The following ITGAM variants were observed in gnomAD, a reference collection of about 807,000 sequenced individuals.
ITGAM encodes the protein integrin alpha-M.
In ITGAM, 79 loss-of-function variants were observed where a neutral mutation model predicts 137.5. The observed-to-expected ratio is 0.57, with a 90% CI of 0.48 to 0.69. The LOEUF is 0.69. ITGAM is among the 30% of genes least tolerant of loss of function. The pLI is 0.00. For missense variants in ITGAM, 1,343 were observed against 1,483.5 expected (o/e 0.91, Z 1.56); for synonymous variants, 583 against 592.3 (o/e 0.98, Z 0.23).
At position 31,282,815 on chromosome 16, in the gene ITGAM, G is replaced by A. The variant is rs139281510; in HGVS notation, c.1356+4706G>A. On this transcript the variant is annotated intron_variant, in intron 12 of 29. Coordinates refer to ENST00000544665, the MANE Select transcript of ITGAM (RefSeq NM_000632.4). ...GTTGATGCAGTTTCTTCCTAGCATCGGTGGTCTTTACAATTTGGTATGTTT... is the reference window on the plus strand; with the variant it reads ...GTTGATGCAGTTTCTTCCTAGCATCAGTGGTCTTTACAATTTGGTATGTTT... Among the ~76,000 whole-genome samples the A allele has an allele frequency of 3.4e-3, 523 of 152,242 alleles. 1 individual carries two copies. Among genetic ancestry groups the A allele is most frequent in the African/African-American group, 0.012 (489 of 41,548 alleles).
chr16:31,331,303 C>G, intron 29 of ITGAM, 28 bp downstream of exon 29: 1 of 1,242,332 alleles, frequency 8.0e-7, no homozygotes, highest in Non-Finnish European at 1.2e-6. Flanking sequence ...CCCACCCCCT[C>G]CCTTCATCCT....
intron 12 of ITGAM, among the ~76,000 whole-genome samples, chr16:31,287,842 G>A (rs1412163838): frequency 1.3e-5 from 2 of 152,088 alleles, no homozygotes; most frequent in Non-Finnish European, 2.9e-5. Context: ...GGAAAAAAGT[G>A]TAGAGGAATT....
intron 14 of ITGAM, among the ~76,000 whole-genome samples, chr16:31,319,143 G>A (rs1597032481): frequency 6.6e-6 from 1 of 151,980 alleles, no homozygotes; most frequent in South Asian, 2.1e-4. Flanking sequence ...CCTGGGGAAT[G>A]GTCCATGTGC....
Position 31,276,925 on chromosome 16 carries a change from C to A in ITGAM, c.1089C>A (p.Gly363=). The A allele has an allele frequency of 6.2e-7, 1 of 1,611,594 alleles. No homozygotes were observed. The highest frequency in any genetic ancestry group is 8.5e-7 in the Non-Finnish European group (1 of 1,178,766). Reference sequence around the variant, plus strand: ...CTGTTCTACACCTTTCCCAGAATGGCCCCTTGCTGAGCACTGTGGGGAGCT... The same window carrying A: ...CTGTTCTACACCTTTCCCAGAATGGACCCTTGCTGAGCACTGTGGGGAGCT... ...EGFSAAITSN[G]PLLSTVGSYD... Residue 363 remains glycine, a synonymous_variant, in exon 11 of 30, where the codon GGC becomes GGA. Transcript: ENST00000544665.
intron 12 of ITGAM, among the ~76,000 whole-genome samples, chr16:31,285,351 G>A (rs2080017612): frequency 6.6e-6 from 1 of 152,152 alleles, no homozygotes; most frequent in Admixed American, 6.6e-5. Flanking sequence ...AAGACAACAT[G>A]AGGGGTGGTC....
intron 16 of ITGAM, among the ~76,000 whole-genome samples, chr16:31,323,565 A>C (rs1303315004): frequency 6.6e-6 from 1 of 152,220 alleles, no homozygotes; most frequent in Non-Finnish European, 1.5e-5. Flanking sequence ...AAGAGAAAAA[A>C]ATTTAAAGTA....
At chr16:31,264,923 A>C (rs938927301) in intron 2 of ITGAM, among the ~76,000 whole-genome samples, 5 of 152,016 alleles carry the variant, frequency 3.3e-5, no homozygotes, top group African/African-American at 9.7e-5. Context: ...GCTGGAGTGC[A>C]GTGGTGCTAT....
chr16:31,295,063 T>C (rs1056178549), intron 12 of ITGAM, among the ~76,000 whole-genome samples: 7 of 152,318 alleles, frequency 4.6e-5, no homozygotes, highest in African/African-American at 1.7e-4. Context: ...AGCCTCCCTG[T>C]TCTGTTCCAT....
chr16:31,321,700 C>T, intron 16 of ITGAM, 73 bp downstream of exon 16: 6 of 1,486,750 alleles, frequency 4.0e-6, no homozygotes, highest in South Asian at 1.2e-5. Context: ...TCCACTCTGC[C>T]CAGCCTTCTG....
chr16:31,272,096 TCCCCACCGGCAGA>T, intron 7 of ITGAM, 104 bp downstream of exon 7: 2 of 1,370,098 alleles, frequency 1.5e-6, no homozygotes, highest in Non-Finnish European at 2.1e-6. Flanking sequence ...AGAGGATGCT[TCCCCACCGGCAGA>T]GGTGGGGAGG....
rs965139909 is a variant in ITGAM, at chr16:31,312,078, T to C, written c.1708-9163T>C. ...CATGTTCTCACTCATAGGTGGGAAT[T>C]GAACAATGAGAACACATGGACACAG... On this transcript the variant is annotated intron_variant, in intron 14 of 29. Transcript: ENST00000544665. Among the ~76,000 whole-genome samples the C allele has an allele frequency of 3.2e-3, 425 of 132,886 alleles. 1 individual carries two copies. Among genetic ancestry groups the C allele is most frequent in the Non-Finnish European group, 5.3e-3 (346 of 65,410 alleles). 87.2% of individuals were successfully genotyped at this position (132,886 alleles called of 152,430 possible). A position where few individuals can be genotyped will look rare whatever the true frequency, so the allele number is the denominator to read the frequency against.
intron 14 of ITGAM, among the ~76,000 whole-genome samples, chr16:31,313,625 T>C (rs763105718): frequency 2.0e-5 from 3 of 152,246 alleles, no homozygotes; most frequent in African/African-American, 7.2e-5. Context: ...ATACAGTTTA[T>C]CATTGATGGG....
At position 31,324,878 on chromosome 16, in the gene ITGAM, A is replaced by G. The variant is rs2080490371; in HGVS notation, c.2290-80A>G. On this transcript the variant is annotated intron_variant, in intron 18 of 29. Transcript: ENST00000544665. This position sits in a 1 kb window ranked among gnomAD's most constrained non-coding sequence, Gnocchi z 4.5. ...ATTTGATTGCATCTAATTTTACTTC[A>G]ACATTTGATTTTATTGTTTAATTTC... The G allele has an allele frequency of 6.4e-7, 1 of 1,550,966 alleles. No homozygotes were observed. Among genetic ancestry groups the G allele is most frequent in the East Asian group, 2.2e-5 (1 of 44,492 alleles).
chr16:31,328,844 G>A (rs771798449), intron 23 of ITGAM, among the ~76,000 whole-genome samples: 1 of 151,390 alleles, frequency 6.6e-6, no homozygotes, highest in Non-Finnish European at 1.5e-5. Flanking sequence ...GTGTGTATTT[G>A]TGCATGTGTG....
chr16:31,298,099 G>A (rs2080156386), intron 14 of ITGAM, 145 bp downstream of exon 14: 1 of 747,644 alleles, frequency 1.3e-6, no homozygotes, highest in Non-Finnish European at 2.2e-6. Context: ...TGGGCCTGGT[G>A]GCTGACGCCT....
At chr16:31,309,786 G>A (rs922285467) in intron 14 of ITGAM, among the ~76,000 whole-genome samples, 128 of 152,242 alleles carry the variant, frequency 8.4e-4, no homozygotes, top group African/African-American at 3.0e-3. Context: ...TGCAGTGGCT[G>A]GTACCGGCTG....
chr16:31,318,777 T>C (rs2080418557), intron 14 of ITGAM, among the ~76,000 whole-genome samples: 1 of 152,236 alleles, frequency 6.6e-6, no homozygotes, highest in Non-Finnish European at 1.5e-5. Context: ...GTTTGTTCTT[T>C]TATTTCTCAT....
intron 16 of ITGAM, 54 bp downstream of exon 16, chr16:31,321,681 G>T: frequency 6.4e-7 from 1 of 1,562,710 alleles, no homozygotes; most frequent in African/African-American, 1.3e-5. Flanking sequence ...ACATGAATGG[G>T]TGCTGCAATC....
chr16:31,272,449 ATATATATATATATATTTT>A (rs2079856328), intron 7 of ITGAM, among the ~76,000 whole-genome samples: 1 of 12,018 alleles, frequency 8.3e-5, no homozygotes, highest in African/African-American at 3.8e-4. Context: ...ATATATATAT[ATATATATATATATATTTT>A]TTTTTTTTTT....
Sources: gnomAD v4.1 joint callset for allele counts (sites outside exome capture counted in the v4.1 genomes callset) on GRCh38, gnomAD v4.1.1 for gene constraint, Gnocchi (gnomAD v3.1) non-coding constraint, MANE v1.5 for transcripts, NCBI Gene and HGNC (gene_info 2026-07-23, HGNC 2026-07-21) for gene names.